The following PPP4R3A variants were observed in gnomAD, a reference collection of about 807,000 sequenced individuals.
The protein encoded by PPP4R3A is protein phosphatase 4 regulatory subunit 3A, also known as serine/threonine-protein phosphatase 4 regulatory subunit 3A.
In PPP4R3A, 15 loss-of-function variants were observed where a neutral mutation model predicts 91.7. The ratio of observed to expected loss-of-function variants is 0.16; its 90% confidence interval spans 0.11 to 0.25. The LOEUF is 0.25. Ranked by LOEUF, PPP4R3A falls within the 10% of genes least tolerant of loss-of-function variation. The pLI is 1.00. For missense variants in PPP4R3A, 623 were observed against 998.4 expected (o/e 0.62, Z 5.07); for synonymous variants, 377 against 348.7 (o/e 1.08, Z -0.91).
At position 91,470,933 on chromosome 14, in the gene PPP4R3A, G is replaced by A. The variant is rs1888794089; in HGVS notation, c.1564C>T (p.His522Tyr). The change falls in exon 10 of 15, where the codon CAC becomes TAC. Residue 522 changes from histidine (H) to tyrosine (Y), a missense_variant. His to Tyr is a moderately conservative substitution (Grantham distance 83). This residue lies in a region of PPP4R3A where 87 missense variants were observed against 233.9 expected (regional missense o/e 0.37). Transcript: ENST00000554943. ...VLELLTFCVE[H>Y]HTYHIKNYII... ...TAGTTCTTTATGTGGTAGGTATGGT[G>A]CTCCACACAAAATGTTAACAATTCC... The A allele has an allele frequency of 1.2e-6, 2 of 1,610,926 alleles. No individual in the cohort carries two copies. The highest frequency in any genetic ancestry group is 1.3e-5 in the African/African-American group (1 of 74,820).
intron 1 of PPP4R3A, among the ~76,000 whole-genome samples, chr14:91,505,168 C>T (rs781665548): frequency 3.3e-5 from 5 of 151,950 alleles, no homozygotes; most frequent in Admixed American, 2.0e-4. Context: ...AAAAAAGAAA[C>T]GCGGCCGGGT....
At chr14:91,484,993 A>G (rs1889798856) in intron 3 of PPP4R3A, among the ~76,000 whole-genome samples, 1 of 152,256 alleles carries the variant, frequency 6.6e-6, no homozygotes, top group Non-Finnish European at 1.5e-5. Context: ...ATAGTCAGTC[A>G]ACAGCCATAC....
chr14:91,496,117 G>C (rs1295858813), intron 1 of PPP4R3A, among the ~76,000 whole-genome samples: 1 of 152,132 alleles, frequency 6.6e-6, no homozygotes, highest in Non-Finnish European at 1.5e-5. Context: ...CTCACAAAGT[G>C]GCAAAATTAA....
intron 1 of PPP4R3A, among the ~76,000 whole-genome samples, chr14:91,498,306 G>A (rs910757921): frequency 6.6e-6 from 1 of 151,236 alleles, no homozygotes; most frequent in African/African-American, 2.4e-5. Context: ...CTGCACTCCA[G>A]CCTAATTGAC....
At chr14:91,475,746 G>T in intron 7 of PPP4R3A, 65 bp downstream of exon 7, 2 of 1,437,522 alleles carry the variant, frequency 1.4e-6, no homozygotes, top group Non-Finnish European at 9.5e-7. Flanking sequence ...TCTTAAAAGT[G>T]AATAATAAAA....
intron 4 of PPP4R3A, 35 bp from the exon 5 acceptor site, chr14:91,477,021 G>A (rs1235845742): frequency 6.7e-7 from 1 of 1,482,666 alleles, no homozygotes; most frequent in Non-Finnish European, 9.3e-7. Flanking sequence ...TTATGTTAAT[G>A]CTAAGATTGT....
chr14:91,458,697 A>G lies in PPP4R3A; in HGVS notation c.*62T>C, dbSNP rs1305968450. ...CACTGCGCTTTGTTGTGGATTTTGT[A>G]TGGGGGAGGGGTGGAGAACCAGTTT... On this transcript the variant is annotated 3_prime_UTR_variant, in exon 15 of 15. Transcript: ENST00000554943. The G allele has an allele frequency of 1.2e-6, 2 of 1,612,286 alleles. No individual in the cohort carries two copies. The highest frequency in any genetic ancestry group is 1.3e-5 in the African/African-American group (1 of 74,870).
chr14:91,476,166 AT>A (rs1394896020), intron 6 of PPP4R3A, among the ~76,000 whole-genome samples, 200 bp from the exon 7 acceptor site: 1 of 152,204 alleles, frequency 6.6e-6, no homozygotes, highest in Non-Finnish European at 1.5e-5. Context: ...CTATTTTAAC[AT>A]TTCAGCTAAT....
At chr14:91,464,408 T>C (rs1234277041) in intron 11 of PPP4R3A, among the ~76,000 whole-genome samples, 2 of 148,862 alleles carry the variant, frequency 1.3e-5, no homozygotes, top group Non-Finnish European at 3.0e-5. Flanking sequence ...AATGTGAATG[T>C]TTACTTTAAA....
At position 91,468,667 on chromosome 14, in the gene PPP4R3A, C is replaced by CAAAAAAAAAAAA. The variant is rs766250846; in HGVS notation, c.1660+2158_1660+2169dup. 2.7e-4 allele frequency among the ~76,000 whole-genome samples: 12 copies of CAAAAAAAAAAAA among 45,042 alleles called. 1 individual carries two copies. The highest frequency in any genetic ancestry group is 1.7e-3 in the East Asian group (1 of 578). The allele number at this position is 45,042 out of a possible 152,430, so 29.5% of individuals were successfully genotyped here. A position where few individuals can be genotyped will look rare whatever the true frequency, so the allele number is the denominator to read the frequency against. ...AAGGCGACAGAGTGAGACTCCGTCT[C>CAAAAAAAAAAAA]AAAAAAAAAAAAAAAAAAAAAAGGA... On this transcript the variant is annotated intron_variant, in intron 10 of 14. Transcript: ENST00000554943.
rs187687481 is a variant in PPP4R3A at position 91,502,046 on chromosome 14, G to A, written c.142+7460C>T. 6.5e-3 allele frequency among the ~76,000 whole-genome samples: 987 copies of A among 151,902 alleles called. 3 individuals are homozygous for A. The highest frequency in any genetic ancestry group is 0.021 in the Middle Eastern group (6 of 292). ...CAAGACTAAAGTATGCTTTAAACCC[G>A]TAACAGGTATGTGCTCCAAGTCCTT... On this transcript the variant is annotated intron_variant, in intron 1 of 14. Coordinates refer to ENST00000554943, the MANE Select transcript of PPP4R3A (RefSeq NM_001366432.2).
At chr14:91,462,927 C>T (rs1421882871) in intron 11 of PPP4R3A, 50 bp from the exon 12 acceptor site, 1 of 1,410,634 alleles carries the variant, frequency 7.1e-7, no homozygotes, top group East Asian at 2.3e-5. Flanking sequence ...GTCATTTTAG[C>T]AAGATGAGGC....
At chr14:91,492,547 C>T (rs1441249939) in intron 1 of PPP4R3A, among the ~76,000 whole-genome samples, 1 of 152,218 alleles carries the variant, frequency 6.6e-6, no homozygotes, top group African/African-American at 2.4e-5. Context: ...ATGTCTTATG[C>T]ACATGAACAG....
chr14:91,506,774 T>C (rs890930091), intron 1 of PPP4R3A, among the ~76,000 whole-genome samples: 1 of 151,904 alleles, frequency 6.6e-6, no homozygotes, highest in African/African-American at 2.4e-5. Flanking sequence ...GGTCTTGAAC[T>C]CCCGAGCCCA....
intron 3 of PPP4R3A, among the ~76,000 whole-genome samples, chr14:91,482,906 A>G (rs186330505): frequency 9.2e-4 from 140 of 152,288 alleles, no homozygotes; most frequent in African/African-American, 3.0e-3. Flanking sequence ...AATACAACCT[A>G]TATGTAGTAG....
At chr14:91,481,023 A>G (rs930175648) in intron 4 of PPP4R3A, among the ~76,000 whole-genome samples, 9 of 152,022 alleles carry the variant, frequency 5.9e-5, no homozygotes, top group African/African-American at 1.9e-4. Context: ...CAACAGAGCA[A>G]GACCTCAACT....
At chr14:91,475,007 A>G (rs1253601984) in intron 7 of PPP4R3A, 1 of 152,148 alleles carries the variant, frequency 6.6e-6, no homozygotes, top group East Asian at 1.9e-4. Context: ...AAAGTAAGAC[A>G]GTCTATTTTC....
intron 7 of PPP4R3A, among the ~76,000 whole-genome samples, chr14:91,473,771 TTTTTA>T (rs1188906008): frequency 6.6e-6 from 1 of 152,218 alleles, no homozygotes; most frequent in Non-Finnish European, 1.5e-5. Context: ...GTTGCTTTTA[TTTTTA>T]TTTTATTTTT....
chr14:91,465,092 G>A (rs955823142), intron 11 of PPP4R3A, among the ~76,000 whole-genome samples, 158 bp downstream of exon 11: 10 of 151,654 alleles, frequency 6.6e-5, no homozygotes, highest in African/African-American at 2.4e-4. Flanking sequence ...TGAGAGGTAA[G>A]ATGTAGCTTG....
Sources: gnomAD v4.1 joint callset for allele counts (sites outside exome capture counted in the v4.1 genomes callset) on GRCh38, gnomAD v4.1.1 for gene constraint, gnomAD v4.1.1 regional missense constraint, MANE v1.5 for transcripts, NCBI Gene and HGNC (gene_info 2026-07-23, HGNC 2026-07-21) for gene names.